Variants in NECAB1 observed in about 807,000 individuals in gnomAD.
NECAB1 encodes the protein N-terminal EF-hand calcium-binding protein 1.
In NECAB1, 29 loss-of-function variants were observed where a neutral mutation model predicts 57.5. That is an observed-to-expected ratio of 0.50 (90% CI 0.38 to 0.69). NECAB1 has a LOEUF of 0.69. Ranked by LOEUF, NECAB1 falls within the 30% of genes least tolerant of loss-of-function variation. The probability of loss-of-function intolerance (pLI) is 0.00; values close to 1 mark genes in which losing one functional copy is unlikely to be tolerated. For synonymous variants in NECAB1, 142 were observed against 147.7 expected, an observed-to-expected ratio of 0.96 and a Z score of 0.28; for missense variants, 372 against 413.8, an observed-to-expected ratio of 0.90 and a Z score of 0.88.
chr8:90,920,311 G>A (rs927408235), intron 6 of NECAB1, among the ~76,000 whole-genome samples: 4 of 152,106 alleles, frequency 2.6e-5, no homozygotes, highest in Non-Finnish European at 5.9e-5. Flanking sequence ...ATTTATGCCC[G>A]TAATATCTGA....
At chr8:90,823,718 C>T (rs1258872003) in intron 2 of NECAB1, among the ~76,000 whole-genome samples, 8 of 151,810 alleles carry the variant, frequency 5.3e-5, no homozygotes, top group African/African-American at 1.2e-4. Context: ...ATAGGAGTTT[C>T]GTGACCCTGG....
intron 5 of NECAB1, among the ~76,000 whole-genome samples, chr8:90,912,542 G>C (rs905950552): frequency 6.6e-6 from 1 of 152,078 alleles, no homozygotes; most frequent in African/African-American, 2.4e-5. Flanking sequence ...ACTAATCTGA[G>C]AATCTATCAT....
chr8:90,931,548 C>T (rs1479290708), intron 8 of NECAB1, among the ~76,000 whole-genome samples: 1 of 152,154 alleles, frequency 6.6e-6, no homozygotes, highest in Non-Finnish European at 1.5e-5. Flanking sequence ...ATTTCAGCCT[C>T]CATGAGAATT....
At position 90,798,822 on chromosome 8, in the gene NECAB1, G is replaced by A. The variant is rs537339569; in HGVS notation, c.100-2869G>A. The stretch of plus-strand genomic sequence containing the variant: ...TACTTTTGAATATATACTCAGTAAC[G>A]GGATTGCAGAGTCAAATGGTAGTTC... On this transcript the variant is annotated intron_variant, in intron 1 of 12. Transcript: ENST00000417640. Among the ~76,000 whole-genome samples the A allele has an allele frequency of 3.3e-5, 5 of 152,198 alleles. No individual in the cohort carries two copies. The East Asian group carries it at 7.7e-4, about 24-fold the overall frequency.
At chr8:90,925,781 T>G in intron 7 of NECAB1, 125 bp downstream of exon 7, 1 of 1,309,132 alleles carries the variant, frequency 7.6e-7, no homozygotes. Context: ...CCAAGTAAGT[T>G]TGAGACAGAA....
At chr8:90,883,639 C>T (rs1194339849) in intron 5 of NECAB1, among the ~76,000 whole-genome samples, 1 of 152,064 alleles carries the variant, frequency 6.6e-6, no homozygotes, top group African/African-American at 2.4e-5. Context: ...CATTATTTTC[C>T]CTCCTCCTCC....
At chr8:90,936,123 C>T (rs907591957) in intron 9 of NECAB1, among the ~76,000 whole-genome samples, 1 of 152,004 alleles carries the variant, frequency 6.6e-6, no homozygotes, top group African/African-American at 2.4e-5. Context: ...TTCAGAATGA[C>T]CAAAATCATT....
intron 3 of NECAB1, among the ~76,000 whole-genome samples, chr8:90,838,428 C>T (rs528581005): frequency 1.3e-5 from 2 of 152,234 alleles, no homozygotes; most frequent in East Asian, 3.9e-4. Flanking sequence ...ACAAATAAGA[C>T]AATTATTTAC....
intron 5 of NECAB1, among the ~76,000 whole-genome samples, chr8:90,892,604 AGTCACCTACTCCTAATGATTTT>A (rs1426312480): frequency 2.0e-5 from 3 of 152,206 alleles, no homozygotes; most frequent in Admixed American, 6.5e-5. Flanking sequence ...CGATCAAGTC[AGTCACCTACTCCTAATGATTTT>A]GTCCTTAATG....
intron 1 of NECAB1, among the ~76,000 whole-genome samples, chr8:90,799,106 T>C (rs1161283948): frequency 1.3e-5 from 2 of 152,242 alleles, no homozygotes; most frequent in Non-Finnish European, 2.9e-5. Context: ...TGTCTTCTTT[T>C]GAGAAGTGTC....
At chr8:90,805,362 T>C (rs1442641597) in intron 2 of NECAB1, among the ~76,000 whole-genome samples, 1 of 151,790 alleles carries the variant, frequency 6.6e-6, no homozygotes, top group Non-Finnish European at 1.5e-5. Flanking sequence ...AGTATAATTG[T>C]TCGCCTGCCC....
chr8:90,902,054 A>G (rs1192154149), intron 5 of NECAB1, among the ~76,000 whole-genome samples: 1 of 152,220 alleles, frequency 6.6e-6, no homozygotes, highest in Non-Finnish European at 1.5e-5. Flanking sequence ...GTACTAATCC[A>G]CATATTTTAT....
At chr8:90,879,010 T>G (rs982919521) in intron 4 of NECAB1, among the ~76,000 whole-genome samples, 7 of 143,848 alleles carry the variant, frequency 4.9e-5, no homozygotes, top group African/African-American at 1.8e-4. Context: ...GATATCTATA[T>G]TATATATAAT....
At chr8:90,914,727 C>T (rs1412679887) in intron 5 of NECAB1, among the ~76,000 whole-genome samples, 1 of 152,162 alleles carries the variant, frequency 6.6e-6, no homozygotes, top group Non-Finnish European at 1.5e-5. Context: ...TGATGAGTGG[C>T]CAGTTGTCTG....
chr8:90,945,331 G>A (rs997259266), intron 10 of NECAB1, among the ~76,000 whole-genome samples: 2 of 152,086 alleles, frequency 1.3e-5, no homozygotes, highest in African/African-American at 4.8e-5. Flanking sequence ...CTCCCAAAGT[G>A]CTGGAATTAC....
intron 5 of NECAB1, among the ~76,000 whole-genome samples, chr8:90,908,662 A>G (rs1809754208): frequency 6.6e-6 from 1 of 152,168 alleles, no homozygotes; most frequent in African/African-American, 2.4e-5. Flanking sequence ...CAAAAAGGAA[A>G]GCCACACAAA....
intron 3 of NECAB1, chr8:90,825,105 A>T: frequency 5.1e-6 from 1 of 196,856 alleles, no homozygotes; most frequent in Middle Eastern, 1.9e-3. Flanking sequence ...AAATAAATAT[A>T]GTTCTGCCAT....
chr8:90,927,931 A>C, intron 7 of NECAB1, among the ~76,000 whole-genome samples: 1 of 151,980 alleles, frequency 6.6e-6, no homozygotes, highest in East Asian at 1.9e-4. Context: ...GCAAAAGAAA[A>C]CCAACTACAT....
chr8:90,899,311 A>G (rs1809441074), intron 5 of NECAB1, among the ~76,000 whole-genome samples: 1 of 152,228 alleles, frequency 6.6e-6, no homozygotes, highest in African/African-American at 2.4e-5. Flanking sequence ...GCCATAGTGT[A>G]TACCAGGATG....
Sources: allele counts gnomAD v4.1 joint callset (sites outside exome capture counted in the v4.1 genomes callset), GRCh38; gene constraint gnomAD v4.1.1; transcripts MANE v1.5; gene names NCBI Gene and HGNC (gene_info 2026-07-23, HGNC 2026-07-21).